ITSN1: variants seen among roughly 807,000 people sequenced by gnomAD.
The protein encoded by ITSN1 is intersectin-1.
In ITSN1, 58 loss-of-function variants were observed where a neutral mutation model predicts 239.8. That is an observed-to-expected ratio of 0.24 (90% CI 0.20 to 0.30). ITSN1 has a LOEUF of 0.30. Among genes scored for constraint, ITSN1 ranks in the 10% least tolerant of loss-of-function variants. The pLI is 1.00. For synonymous variants in ITSN1, 780 were observed against 770.8 expected, an observed-to-expected ratio of 1.01 and a Z score of -0.20; for missense variants, 1,558 against 2,103.3, an observed-to-expected ratio of 0.74 and a Z score of 5.07.
chr21:33,885,133 G>T lies in ITSN1; in HGVS notation c.4759+10G>T, dbSNP rs765125705. The stretch of plus-strand genomic sequence containing the variant: ...GAGAAAGCGTACCTGGGTAATGCAT[G>T]GCCCCGCGGGGTGTCCTGCACAGCT... On this transcript the variant is annotated intron_variant, in intron 37 of 39. Transcript: ENST00000381318. 2.5e-6 allele frequency: 4 copies of T among 1,609,882 alleles called. No individual in the cohort carries two copies. In the East Asian group the frequency reaches 6.7e-5, roughly 27 times the overall value.
At chr21:33,844,405 A>T (rs1357224392) in intron 29 of ITSN1, among the ~76,000 whole-genome samples, 2 of 152,216 alleles carry the variant, frequency 1.3e-5, no homozygotes, top group Non-Finnish European at 2.9e-5. Flanking sequence ...TAAACCTGTC[A>T]CAAATGCATT....
At chr21:33,653,248 G>C (rs1255929379) in intron 1 of ITSN1, among the ~76,000 whole-genome samples, 3 of 152,150 alleles carry the variant, frequency 2.0e-5, no homozygotes, top group Non-Finnish European at 1.5e-5. Flanking sequence ...GCCCTCCTCA[G>C]CCTCCCAAAG....
At chr21:33,729,330 G>C (rs1480067804) in intron 4 of ITSN1, among the ~76,000 whole-genome samples, 1 of 151,886 alleles carries the variant, frequency 6.6e-6, no homozygotes, top group Non-Finnish European at 1.5e-5. Flanking sequence ...CATGCCTGTA[G>C]TCTCAGCTAC....
chr21:33,858,618 A>T (rs969953291), intron 30 of ITSN1, 68 bp from the exon 31 acceptor site: 10 of 980,508 alleles, frequency 1.0e-5, no homozygotes, highest in Non-Finnish European at 1.6e-5. Flanking sequence ...CTCTCAGCGG[A>T]TCGGCGTGTG....
intron 1 of ITSN1, among the ~76,000 whole-genome samples, chr21:33,671,018 T>G (rs945926355): frequency 1.3e-5 from 2 of 152,232 alleles, no homozygotes; most frequent in Admixed American, 6.5e-5. Context: ...TGTGATTCTG[T>G]GTGAAATGGA....
At position 33,897,825 on chromosome 21, in the gene ITSN1, T is replaced by C. The variant is rs1209830093; in HGVS notation, c.*9525T>C. 1.3e-5 allele frequency: 2 copies of C among 152,182 alleles called. No homozygotes were observed. The highest frequency in any genetic ancestry group is 4.8e-5 in the African/African-American group (2 of 41,442). The allele number at this position is 152,182 out of a possible 1,614,324, so 9.4% of individuals were successfully genotyped here. A position where few individuals can be genotyped will look rare whatever the true frequency, so the allele number is the denominator to read the frequency against. ...TATTCCAAGAGTAGAAAATGCTTAA[T>C]GAGATTACTTGGGTTCAACTCAACT... On this transcript the variant is annotated 3_prime_UTR_variant, in exon 40 of 40. Transcript: ENST00000381318.
chr21:33,772,200 G>A lies in ITSN1; in HGVS notation c.1182G>A (p.Lys394=). The A allele has an allele frequency of 6.2e-7, 1 of 1,613,952 alleles. No homozygotes were observed. Residue 394 remains lysine (K), a synonymous_variant, in exon 12 of 40, where the codon AAG becomes AAA. Transcript: ENST00000381318. ...AQLERAEQER[K]ERERQEQERK... ...TGGAGCGGGCGGAGCAGGAGAGGAAGGAGCGTGAGCGCCAGGAGCAAGAGC... is the reference window on the plus strand; with the variant it reads ...TGGAGCGGGCGGAGCAGGAGAGGAAAGAGCGTGAGCGCCAGGAGCAAGAGC...
intron 29 of ITSN1, among the ~76,000 whole-genome samples, chr21:33,843,371 T>A (rs1392894518): frequency 6.6e-6 from 1 of 152,102 alleles, no homozygotes; most frequent in Non-Finnish European, 1.5e-5. Flanking sequence ...TGGTAAGGAT[T>A]CCAACACATT....
At chr21:33,859,466 A>C (rs1980046085) in intron 31 of ITSN1, among the ~76,000 whole-genome samples, 1 of 152,118 alleles carries the variant, frequency 6.6e-6, no homozygotes, top group South Asian at 2.1e-4. Flanking sequence ...GTCAAAAACC[A>C]AAATCTGTAT....
chr21:33,685,546 A>G (rs569394447), intron 1 of ITSN1, among the ~76,000 whole-genome samples: 2 of 152,040 alleles, frequency 1.3e-5, no homozygotes, highest in Admixed American at 6.6e-5. Context: ...GCTCTTAAAA[A>G]CACATTTAAA....
chr21:33,722,785 T>C, intron 4 of ITSN1, 134 bp downstream of exon 4: 7 of 838,742 alleles, frequency 8.3e-6, no homozygotes, highest in Non-Finnish European at 1.2e-5. Context: ...ATCTTGTTAC[T>C]TCTTACCAGA....
At chr21:33,691,651 C>T (rs1240408493) in intron 1 of ITSN1, among the ~76,000 whole-genome samples, 8 of 152,168 alleles carry the variant, frequency 5.3e-5, no homozygotes, top group Non-Finnish European at 1.2e-4. Context: ...GACTAGATGC[C>T]TTAAGCAATC....
Position 33,692,994 on chromosome 21 carries a change from G to A in ITSN1, c.-32-25803G>A, listed in dbSNP as rs536431320. 1.1e-4 allele frequency among the ~76,000 whole-genome samples: 17 copies of A among 152,096 alleles called. No homozygotes were observed. In the East Asian group the frequency reaches 1.2e-3, roughly 10 times the overall value. On this transcript the variant is annotated intron_variant, in intron 1 of 39. Coordinates refer to ENST00000381318, the MANE Select transcript of ITSN1 (RefSeq NM_003024.3). ...GTATTTGTAGTGGAAATGGGGTTTC[G>A]CCATATTGGCCAGGCTGGTCTTGAA... is the stretch of plus-strand genomic sequence containing the variant.
chr21:33,876,087 CTCTTTCTTTCTTTCCTTCTTTCTT>C (rs1983702654), intron 34 of ITSN1, among the ~76,000 whole-genome samples: 1 of 142,792 alleles, frequency 7.0e-6, no homozygotes, highest in Non-Finnish European at 1.5e-5. Context: ...TTTTTCTTTC[CTCTTTCTTTCTTTCCTTCTTTCTT>C]TCTTTCTTTC....
At chr21:33,646,996 GAAAA>G (rs550295581) in intron 1 of ITSN1, among the ~76,000 whole-genome samples, 1 of 145,456 alleles carries the variant, frequency 6.9e-6, no homozygotes, top group African/African-American at 2.5e-5. Context: ...AAAAAAAAAA[GAAAA>G]AAAAAAGTTT....
At chr21:33,654,592 A>G (rs778920129) in intron 1 of ITSN1, among the ~76,000 whole-genome samples, 23 of 152,170 alleles carry the variant, frequency 1.5e-4, no homozygotes, top group Non-Finnish European at 4.4e-5. Context: ...CACAAAAGAC[A>G]TAATACATTG....
intron 23 of ITSN1, 130 bp from the exon 24 acceptor site, chr21:33,819,111 A>T: frequency 1.5e-6 from 1 of 645,308 alleles, no homozygotes. Flanking sequence ...AACCTAGCTA[A>T]GTACAACTAT....
chr21:33,764,415 T>G (rs1222330312), intron 9 of ITSN1, among the ~76,000 whole-genome samples: 1 of 151,170 alleles, frequency 6.6e-6, no homozygotes, highest in Non-Finnish European at 1.5e-5. Context: ...CGGGCAGGGG[T>G]TTCATTTTAT....
rs776600672 is a variant in ITSN1, at chr21:33,819,334, G to C, written c.3016+11G>C. On this transcript the variant is annotated intron_variant, in intron 24 of 39. Coordinates refer to ENST00000381318, the MANE Select transcript of ITSN1 (RefSeq NM_003024.3). ...TCGTTTCGGGAGAAGGTGAGGGCCT[G>C]AGTTGTATTATGTTCTTCAGAAGGG... 2 of 1,606,674 alleles carry C rather than the reference G, an allele frequency of 1.2e-6. No homozygotes were observed. Among genetic ancestry groups the C allele is most frequent in the Non-Finnish European group, 1.7e-6 (2 of 1,173,314 alleles).
Sources: gnomAD v4.1 joint callset for allele counts (sites outside exome capture counted in the v4.1 genomes callset) on GRCh38, gnomAD v4.1.1 for gene constraint, MANE v1.5 for transcripts, NCBI Gene and HGNC (gene_info 2026-07-23, HGNC 2026-07-21) for gene names.